RAB11FIP5: variants seen among roughly 807,000 people sequenced by gnomAD.
RAB11FIP5 encodes the protein rab11 family-interacting protein 5.
Under a neutral mutation model 85.1 loss-of-function variants are expected in RAB11FIP5, and 48 were observed. That is an observed-to-expected ratio of 0.56 (90% CI 0.45 to 0.72). RAB11FIP5 has a LOEUF of 0.72. Among genes scored for constraint, RAB11FIP5 ranks in the 30% least tolerant of loss-of-function variants. The probability of loss-of-function intolerance (pLI) is 0.00; values close to 1 mark genes in which losing one functional copy is unlikely to be tolerated. For synonymous variants in RAB11FIP5, 729 were observed against 727.3 expected (o/e 1.00, Z -0.04); for missense variants, 1,491 against 1,687.0 (o/e 0.88, Z 2.04).
At chr2:73,106,233 C>T (rs1396280591) in intron 1 of RAB11FIP5, among the ~76,000 whole-genome samples, 1 of 152,168 alleles carries the variant, frequency 6.6e-6, no homozygotes, top group African/African-American at 2.4e-5. Flanking sequence ...ACCAACGAGG[C>T]AATGAAAATA....
Position 73,075,834 on chromosome 2 carries a change from G to C in RAB11FIP5, c.3772-110C>G. ...CCAACACCTAAGTTTCACCACCACA[G>C]GGCCCCAGGCTGCCTGTCTCCAAAG... On this transcript the variant is annotated intron_variant, in intron 5 of 5. Transcript: ENST00000486777. This position sits in a 1 kb window ranked among gnomAD's most constrained non-coding sequence, Gnocchi z 4.6. 1 of 1,459,902 alleles carries C rather than the reference G, an allele frequency of 6.8e-7. No individual in the cohort carries two copies. The highest frequency in any genetic ancestry group is 9.3e-7 in the Non-Finnish European group (1 of 1,070,388). The allele number at this position is 1,459,902 out of a possible 1,614,324, so 90.4% of individuals were successfully genotyped here. A position where few individuals can be genotyped will look rare whatever the true frequency, so the allele number is the denominator to read the frequency against.
In RAB11FIP5 at chr2:73,075,521, C is replaced by T. The variant is rs368200028; in HGVS notation, c.3975G>A (p.Ter1325=). ...LLQIPPGPPK[*] is the part of the protein sequence containing the mutation. ...CCTCCTGGGGGTAGGGTGAGGAAGG[C>T]TATTTGGGGGGGCCCGGGGGGATCT... Residue 1325 remains the stop codon, a stop_retained_variant, in exon 6 of 6, where the codon TAG becomes TAA. Coordinates refer to ENST00000486777, the MANE Select transcript of RAB11FIP5 (RefSeq NM_001371272.1). This position sits in a 1 kb window ranked among gnomAD's most constrained non-coding sequence, Gnocchi z 4.6. The T allele has an allele frequency of 1.4e-5, 22 of 1,613,948 alleles. No individual in the cohort carries two copies. In the African/African-American group the frequency reaches 2.7e-4, roughly 20 times the overall value.
chr2:73,110,872 T>C (rs564920620), intron 1 of RAB11FIP5, among the ~76,000 whole-genome samples: 1 of 152,100 alleles, frequency 6.6e-6, no homozygotes, highest in African/African-American at 2.4e-5. Flanking sequence ...GGTGAAGGAC[T>C]GGGGGAAGGG....
At chr2:73,077,847 A>G (rs1396380144) in intron 4 of RAB11FIP5, among the ~76,000 whole-genome samples, 1 of 152,138 alleles carries the variant, frequency 6.6e-6, no homozygotes, top group African/African-American at 2.4e-5. Context: ...GCCCAGGGGG[A>G]CCTCTTACAA....
chr2:73,110,689 A>C (rs1684638893), intron 1 of RAB11FIP5, among the ~76,000 whole-genome samples: 1 of 152,226 alleles, frequency 6.6e-6, no homozygotes, highest in Non-Finnish European at 1.5e-5. Flanking sequence ...AGCTCAGCTA[A>C]GGAAGATCCA....
chr2:73,104,595 T>A (rs1396198284), intron 1 of RAB11FIP5, among the ~76,000 whole-genome samples: 1 of 151,830 alleles, frequency 6.6e-6, no homozygotes, highest in Non-Finnish European at 1.5e-5. Context: ...AAAACAAAAC[T>A]AAATAGGAAG....
Position 73,079,998 on chromosome 2 carries a change from T to TG in RAB11FIP5, c.3233dup (p.Ser1079IlefsTer26). ...CCCTCGACCCTGGCGGGGATGCAGA[T>TG]GAGAGGCTGGGAGGATCTCGGCTCC... On this transcript the variant is annotated frameshift_variant, in exon 4 of 6. Coordinates refer to ENST00000486777, the MANE Select transcript of RAB11FIP5 (RefSeq NM_001371272.1). LOFTEE classifies it high-confidence loss of function. 8.1e-7 allele frequency: 1 copy of TG among 1,232,122 alleles called. No individual in the cohort carries two copies. The highest frequency in any genetic ancestry group is 1.0e-6 in the Non-Finnish European group (1 of 988,010). The allele number at this position is 1,232,122 out of a possible 1,614,324, so 76.3% of individuals were successfully genotyped here.
At chr2:73,076,993 T>C (rs1278151150) in intron 4 of RAB11FIP5, among the ~76,000 whole-genome samples, 1 of 152,106 alleles carries the variant, frequency 6.6e-6, no homozygotes, top group Admixed American at 6.5e-5. Context: ...TGCCTCCCTT[T>C]CCCTTCAAGA....
chr2:73,088,482 C>A lies in RAB11FIP5; in HGVS notation c.1136G>T (p.Gly379Val). ...CCAGGTGTCATCTGTGGAACGAGGC[C>A]CCTCCTCGGAGAACCGGGAAGAGAC... ...QAVSSRFSEE[G>V]PRSTDDTWPR... The change falls in exon 3 of 6, where the codon GGG (glycine) becomes GTG (valine). Residue 379 changes from glycine to valine, a missense_variant. Gly to Val is a moderately radical substitution (Grantham distance 109, BLOSUM62 -3). Coordinates refer to ENST00000486777, the MANE Select transcript of RAB11FIP5 (RefSeq NM_001371272.1). 6.2e-6 allele frequency: 10 copies of A among 1,614,022 alleles called. No individual in the cohort carries two copies. The highest frequency in any genetic ancestry group is 8.5e-6 in the Non-Finnish European group (10 of 1,180,046).
rs11409259 is a variant in RAB11FIP5, at chr2:73,082,040, C to CTTT, written c.1569-380_1569-378dup. Among the ~76,000 whole-genome samples the CTTT allele has an allele frequency of 2.5e-4, 33 of 129,886 alleles. 1 individual carries two copies. The highest frequency in any genetic ancestry group is 4.7e-4 in the African/African-American group (16 of 33,984). The allele number at this position is 129,886 out of a possible 152,430, so 85.2% of individuals were successfully genotyped here. On this transcript the variant is annotated intron_variant, in intron 3 of 5. Transcript: ENST00000486777. ...ACTAATCTGAAAGCGCCTTACATCC[C>CTTT]TTTTTTTTTTTTTTTTTTTGAGATA...
chr2:73,080,391 C>G lies in RAB11FIP5; in HGVS notation c.2841G>C (p.Pro947=). Residue 947 remains proline, a synonymous_variant, in exon 4 of 6, where the codon CCG becomes CCC. Transcript: ENST00000486777. ...GCTTCTCTCCCTCCTCCTTGGTCTC[C>G]GGGGGACCGACAACCAGTGCACTTG... ...ASPSALVVGP[P]ETKEEGEKRE... is the part of the protein sequence containing the mutation. 1.6e-6 allele frequency: 2 copies of G among 1,233,130 alleles called. No homozygotes were observed. Among genetic ancestry groups the G allele is most frequent in the Non-Finnish European group, 2.0e-6 (2 of 988,448 alleles). 76.4% of individuals were successfully genotyped at this position (1,233,130 alleles called of 1,614,324 possible). A position where few individuals can be genotyped will look rare whatever the true frequency, so the allele number is the denominator to read the frequency against.
intron 1 of RAB11FIP5, among the ~76,000 whole-genome samples, chr2:73,090,772 G>C (rs755863928): frequency 3.9e-5 from 6 of 152,206 alleles, no homozygotes; most frequent in Non-Finnish European, 5.9e-5. Flanking sequence ...GCAGAGCACA[G>C]GGACTTCTCA....
chr2:73,079,036 T>TG (rs1297994200), intron 4 of RAB11FIP5, among the ~76,000 whole-genome samples: 1 of 152,236 alleles, frequency 6.6e-6, no homozygotes, highest in Non-Finnish European at 1.5e-5. Flanking sequence ...CTGCTGCGCG[T>TG]GGGGAACCTT....
At chr2:73,106,355 AGAG>A (rs1468020885) in intron 1 of RAB11FIP5, among the ~76,000 whole-genome samples, 1 of 152,202 alleles carries the variant, frequency 6.6e-6, no homozygotes, top group Non-Finnish European at 1.5e-5. Flanking sequence ...CCCTCCTCAC[AGAG>A]GAGGAGACCA....
rs959662511 is a variant in RAB11FIP5, at chr2:73,098,463, C to G, written c.432-9148G>C. Among the ~76,000 whole-genome samples the G allele has an allele frequency of 7.4e-4, 113 of 152,352 alleles. 1 individual carries two copies. Among genetic ancestry groups the G allele is most frequent in the African/African-American group, 2.7e-3 (113 of 41,576 alleles). On this transcript the variant is annotated intron_variant, in intron 1 of 5. Transcript: ENST00000486777. The stretch of plus-strand genomic sequence containing the variant: ...TATGCGTGGAGCGCTCAGAACAGGG[C>G]CCGGCACACGGGAAACGCACACGAG...
intron 2 of RAB11FIP5, 25 bp downstream of exon 2, chr2:73,088,854 G>T: frequency 1.3e-6 from 2 of 1,544,814 alleles, no homozygotes; most frequent in South Asian, 2.5e-5. Context: ...CCCCTCCCCA[G>T]GGCGGCGGCC....
intron 1 of RAB11FIP5, among the ~76,000 whole-genome samples, chr2:73,104,694 C>A (rs1193791994): frequency 6.6e-6 from 1 of 152,186 alleles, no homozygotes; most frequent in Non-Finnish European, 1.5e-5. Flanking sequence ...AGTCCCACCA[C>A]ACTCACAGTT....
chr2:73,088,027 A>C (rs1178600636), intron 3 of RAB11FIP5, 23 bp downstream of exon 3: 1 of 1,565,624 alleles, frequency 6.4e-7, no homozygotes, highest in South Asian at 1.2e-5. Context: ...CAAGGAGCAA[A>C]GTTGGTCTTG....
In RAB11FIP5 at chr2:73,080,197, G is replaced by A; in HGVS notation, c.3035C>T (p.Ala1012Val). Residue 1012 changes from alanine (A) to valine (V), a missense_variant, in exon 4 of 6, where the codon GCT (alanine) becomes GTT (valine). By Grantham distance (64) the Ala-to-Val change is moderately conservative. This residue lies in a region of RAB11FIP5 where 1,211 missense variants were observed against 1,338.0 expected (regional missense o/e 0.91). Transcript: ENST00000486777. ...CCCCCAGATGTGCTGACTCTGAAGA[G>A]CCAAGCTCTTTGAGTGACAGGGTAT... ...APIPCHSKSLALQSQHIWGTP... is the reference protein window; with the variant it reads ...APIPCHSKSLVLQSQHIWGTP... The A allele has an allele frequency of 1.6e-6, 2 of 1,232,306 alleles. No individual in the cohort carries two copies. Among genetic ancestry groups the A allele is most frequent in the Non-Finnish European group, 1.0e-6 (1 of 988,122 alleles). The allele number at this position is 1,232,306 out of a possible 1,614,324, so 76.3% of individuals were successfully genotyped here.
Sources: allele counts gnomAD v4.1 joint callset (sites outside exome capture counted in the v4.1 genomes callset), GRCh38; gene constraint gnomAD v4.1.1; regional missense constraint gnomAD v4.1.1; non-coding constraint Gnocchi (gnomAD v3.1); transcripts MANE v1.5; gene names NCBI Gene and HGNC (gene_info 2026-07-23, HGNC 2026-07-21).